Variants in MEGF6 observed in about 807,000 individuals in gnomAD.
MEGF6 encodes multiple EGF like domains 6.
In MEGF6, 184 loss-of-function variants were observed where a neutral mutation model predicts 207.1. The ratio of observed to expected loss-of-function variants is 0.89; its 90% CI spans 0.79 to 1.00. The LOEUF (loss-of-function observed/expected upper bound fraction) is 1.00. Among genes scored for constraint, MEGF6 ranks in the 50% least tolerant of loss-of-function variants. MEGF6 has a pLI of 0.00. For missense variants in MEGF6, 2,282 were observed against 2,202.9 expected (o/e 1.04, Z -0.72); for synonymous variants, 1,038 against 910.0 (o/e 1.14, Z -2.53).
chr1:3,509,546 T>C (rs1039428377), intron 11 of MEGF6, among the ~76,000 whole-genome samples: 1 of 152,156 alleles, frequency 6.6e-6, no homozygotes, highest in Non-Finnish European at 1.5e-5. Context: ...GCAGCTGCCA[T>C]CAGTCCCAGG....
At chr1:3,497,750 G>A (rs1640673664) in intron 26 of MEGF6, 1 of 371,856 alleles carries the variant, frequency 2.7e-6, no homozygotes, top group African/African-American at 2.2e-5. Context: ...ACAGCCCTGA[G>A]GCCAGCCGAG....
intron 5 of MEGF6, among the ~76,000 whole-genome samples, chr1:3,523,919 C>T (rs964997606): frequency 2.6e-5 from 4 of 152,248 alleles, no homozygotes; most frequent in African/African-American, 7.2e-5. Context: ...GGCAACTTGG[C>T]ATTCAGTCCT....
intron 3 of MEGF6, among the ~76,000 whole-genome samples, chr1:3,581,849 C>A (rs1643804445): frequency 6.6e-6 from 1 of 152,142 alleles, no homozygotes; most frequent in Non-Finnish European, 1.5e-5. Flanking sequence ...CTGGGCCCCA[C>A]CCTCCTGTTC....
intron 4 of MEGF6, among the ~76,000 whole-genome samples, chr1:3,552,382 C>T (rs796544111): frequency 1.3e-5 from 2 of 152,376 alleles, no homozygotes; most frequent in African/African-American, 4.8e-5. Flanking sequence ...GGGTCTAGGA[C>T]AGAGCCAAGA....
intron 17 of MEGF6, 146 bp downstream of exon 17, chr1:3,505,062 C>T (rs1436139364): frequency 2.0e-6 from 2 of 983,396 alleles, no homozygotes; most frequent in Non-Finnish European, 2.9e-6. Flanking sequence ...AGCAAGGCAA[C>T]ACCGGTAGCA....
chr1:3,508,664 A>C lies in MEGF6; in HGVS notation c.1554T>G (p.His518Gln), dbSNP rs1284154105. ...KFVCLDDSFG[H>Q]DCSLTCDDCR... Reference sequence around the variant, plus strand: ...AGTCATCACAGGTCAAGCTGCAGTCATGGCCAAAGGAGTCATCCAGGCAGA... The same window carrying C: ...AGTCATCACAGGTCAAGCTGCAGTCCTGGCCAAAGGAGTCATCCAGGCAGA... The change falls in exon 13 of 37, where the codon CAT (histidine) becomes CAG (glutamine). Residue 518 changes from histidine to glutamine, a missense_variant. His to Gln is a conservative substitution (Grantham distance 24). Transcript: ENST00000356575. 5 of 1,613,330 alleles carry C rather than the reference A, an allele frequency of 3.1e-6. No individual in the cohort carries two copies. The highest frequency in any genetic ancestry group is 1.3e-5 in the African/African-American group (1 of 74,934).
chr1:3,506,221 T>C lies in MEGF6; in HGVS notation c.1805A>G (p.Tyr602Cys). 1 of 1,609,172 alleles carries C rather than the reference T, an allele frequency of 6.2e-7. No homozygotes were observed. Among genetic ancestry groups the C allele is most frequent in the Non-Finnish European group, 8.5e-7 (1 of 1,178,410 alleles). ...TTTCTTGCGACAGTGCTTGCCATAG[T>C]AGCCCTTGGGGCAGCCTGGGGGCAG... ...TNCEDGCPKG[Y>C]YGKHCRKKCN... Residue 602 changes from tyrosine to cysteine, a missense_variant, in exon 15 of 37, where the codon TAC becomes TGC. Tyr to Cys is a radical substitution (Grantham distance 194). Transcript: ENST00000356575.
intron 4 of MEGF6, among the ~76,000 whole-genome samples, chr1:3,535,144 C>G (rs1642287077): frequency 6.6e-6 from 1 of 152,134 alleles, no homozygotes; most frequent in African/African-American, 2.4e-5. Flanking sequence ...CAATGAGACA[C>G]ATGACTCGGG....
the MEGF6 span, among the ~76,000 whole-genome samples, chr1:3,621,399 C>A: frequency 6.6e-5 from 10 of 152,364 alleles, no homozygotes; most frequent in East Asian, 1.9e-3. Flanking sequence ...CACTTCTCAC[C>A]ATGTCCCCTC....
intron 2 of MEGF6, among the ~76,000 whole-genome samples, chr1:3,598,908 C>T (rs984977795): frequency 3.3e-5 from 5 of 152,046 alleles, no homozygotes; most frequent in Admixed American, 1.3e-4. Context: ...ATTCAAAGGG[C>T]CCCCGGCCGG....
chr1:3,523,628 C>A (rs537579843), intron 5 of MEGF6, among the ~76,000 whole-genome samples: 1 of 152,272 alleles, frequency 6.6e-6, no homozygotes, highest in African/African-American at 2.4e-5. Flanking sequence ...CCTGGCTCTG[C>A]GGGCGAAGGG....
chr1:3,519,036 G>A (rs1641644587), intron 5 of MEGF6, among the ~76,000 whole-genome samples: 1 of 152,238 alleles, frequency 6.6e-6, no homozygotes, highest in South Asian at 2.1e-4. Context: ...CAGAGCACCA[G>A]GCAAACAATG....
chr1:3,560,140 TTTTTC>T lies in MEGF6; in HGVS notation c.481+19680_481+19684del, dbSNP rs1413780164. ...AGGGCAAAGAAGGCTGGGCTTTTTT[TTTTTC>T]TTTTAACTAATAGATTTTATTTTTT... On this transcript the variant is annotated intron_variant, in intron 4 of 36. Coordinates refer to ENST00000356575, the MANE Select transcript of MEGF6 (RefSeq NM_001409.4). The surrounding 1 kb of genome is among the most constrained non-coding windows in gnomAD (Gnocchi z 4.0). 6.6e-6 allele frequency among the ~76,000 whole-genome samples: 1 copy of T among 151,830 alleles called. No homozygotes were observed. Among genetic ancestry groups the T allele is most frequent in the Admixed American group, 6.6e-5 (1 of 15,256 alleles).
chr1:3,507,444 C>T (rs993547340), intron 14 of MEGF6, among the ~76,000 whole-genome samples: 5 of 152,316 alleles, frequency 3.3e-5, no homozygotes, highest in African/African-American at 1.2e-4. Flanking sequence ...CCAGCCATCA[C>T]CAGCTCTACT....
intron 5 of MEGF6, among the ~76,000 whole-genome samples, chr1:3,522,809 C>T (rs1641805791): frequency 6.6e-6 from 1 of 152,116 alleles, no homozygotes; most frequent in Non-Finnish European, 1.5e-5. Flanking sequence ...CAAGGAATAC[C>T]CTGCCTGAGA....
intron 4 of MEGF6, among the ~76,000 whole-genome samples, chr1:3,545,163 G>A (rs893355772): frequency 2.6e-5 from 4 of 152,200 alleles, no homozygotes; most frequent in South Asian, 2.1e-4. Flanking sequence ...GCGGGTCTTC[G>A]TGCTGCCTCC....
At chr1:3,545,636 C>CCT (rs1642677322) in intron 4 of MEGF6, among the ~76,000 whole-genome samples, 1 of 152,214 alleles carries the variant, frequency 6.6e-6, no homozygotes, top group African/African-American at 2.4e-5. Context: ...CATCCTGGAG[C>CCT]CTCTGGGGCT....
At chr1:3,593,818 G>A (rs918364773) in intron 3 of MEGF6, among the ~76,000 whole-genome samples, 26 of 151,564 alleles carry the variant, frequency 1.7e-4, no homozygotes, top group African/African-American at 5.6e-4. Flanking sequence ...TCCGAGGGGC[G>A]GCTGGCCAGC....
chr1:3,615,784 C>G (rs546440263), upstream of MEGF6, among the ~76,000 whole-genome samples: 2 of 152,322 alleles, frequency 1.3e-5, no homozygotes, highest in Admixed American at 1.3e-4. Flanking sequence ...AGCTCTCCTG[C>G]TTCTCCCCTC....
Sources: gnomAD v4.1 joint callset for allele counts (sites outside exome capture counted in the v4.1 genomes callset) on GRCh38, gnomAD v4.1.1 for gene constraint, Gnocchi (gnomAD v3.1) non-coding constraint, MANE v1.5 for transcripts, NCBI Gene and HGNC (gene_info 2026-07-23, HGNC 2026-07-21) for gene names.